The following BLCAP variants were observed in gnomAD, a reference collection of about 807,000 sequenced individuals.
BLCAP encodes the protein BLCAP apoptosis inducing factor.
In BLCAP, 1 loss-of-function variant was observed where a neutral mutation model predicts 5.7. The ratio of observed to expected loss-of-function variants is 0.18; its 90% CI spans 0.06 to 0.83. The LOEUF is 0.83. Ranked by LOEUF, BLCAP falls within the 40% of genes least tolerant of loss-of-function variation. BLCAP has a pLI of 0.71. For synonymous variants in BLCAP, 48 were observed against 49.4 expected (o/e 0.97, Z 0.11); for missense variants, 66 against 107.6 (o/e 0.61, Z 1.71).
intron 1 of BLCAP, chr20:37,522,578 A>AGGTGGGGGGGGGGGGGGG: frequency 1.5e-6 from 1 of 683,764 alleles, no homozygotes; most frequent in Admixed American, 5.4e-5. Flanking sequence ...CGGGCGGGGC[A>AGGTGGGGGGGGGGGGGGG]GGGGGTGGGG....
chr20:37,522,659 C>G, intron 1 of BLCAP: 1 of 1,607,856 alleles, frequency 6.2e-7, no homozygotes, highest in Non-Finnish European at 8.5e-7. Flanking sequence ...CTGGGTTTCT[C>G]GTCGCAGGTG....
rs1180072757 is a variant in BLCAP, at chr20:37,518,525, G to T, written c.*386C>A. The T allele has an allele frequency of 1.1e-5, 2 of 188,708 alleles. No homozygotes were observed. Among genetic ancestry groups the T allele is most frequent in the Admixed American group, 5.5e-5 (1 of 18,034 alleles). 11.7% of individuals were successfully genotyped at this position (188,708 alleles called of 1,614,324 possible). The stretch of plus-strand genomic sequence containing the variant: ...GAGTCAGTAACATTCTGGGAAGGAA[G>T]GAGACCCTGACAAGGAGGGGTCACA... On this transcript the variant is annotated 3_prime_UTR_variant, in exon 2 of 2. Transcript: ENST00000373537.
chr20:37,522,742 C>G (rs781301473), intron 1 of BLCAP: 4 of 1,606,444 alleles, frequency 2.5e-6, no homozygotes, highest in Non-Finnish European at 2.5e-6. Flanking sequence ...GGAGCGCAGG[C>G]AGCGAGCCCC....
intron 1 of BLCAP, among the ~76,000 whole-genome samples, chr20:37,524,201 T>C (rs1217003632): frequency 6.6e-6 from 1 of 152,062 alleles, no homozygotes. Context: ...TGGCGCCTTC[T>C]TCACCCAGCT....
At position 37,518,612 on chromosome 20, in the gene BLCAP, T is replaced by G. The variant is rs2071455875; in HGVS notation, c.*299A>C. 2.8e-6 allele frequency: 1 copy of G among 363,618 alleles called. No individual in the cohort carries two copies. Among genetic ancestry groups the G allele is most frequent in the Non-Finnish European group, 5.1e-6 (1 of 197,208 alleles). 22.5% of individuals were successfully genotyped at this position (363,618 alleles called of 1,614,324 possible). On this transcript the variant is annotated 3_prime_UTR_variant, in exon 2 of 2. Transcript: ENST00000373537. ...GTCACATTGGGGCAGCTGACCAGGA[T>G]GGACCCAGACTCCTCACAGTAATGA...
chr20:37,526,752 G>C (rs1367190032), intron 1 of BLCAP: 2 of 152,250 alleles, frequency 1.3e-5, no homozygotes, highest in Non-Finnish European at 2.9e-5. Flanking sequence ...AAACCGACCA[G>C]GCTTCCCGTG....
At chr20:37,526,650 T>C (rs923008889) in intron 1 of BLCAP, 1 of 152,214 alleles carries the variant, frequency 6.6e-6, no homozygotes, top group African/African-American at 2.4e-5. Context: ...GATTCCTCTT[T>C]GAAACAACAT....
Position 37,518,644 on chromosome 20 carries a change from A to C in BLCAP, c.*267T>G. ...AGACTCCTCACAGTAATGAGGCGAG[A>C]GGGGTGGTCATGCGGCCAGCCAGGA... On this transcript the variant is annotated 3_prime_UTR_variant, in exon 2 of 2. Transcript: ENST00000373537. 1 of 489,206 alleles carries C rather than the reference A, an allele frequency of 2.0e-6. No homozygotes were observed. Among genetic ancestry groups the C allele is most frequent in the Non-Finnish European group, 3.7e-6 (1 of 270,786 alleles). 30.3% of individuals were successfully genotyped at this position (489,206 alleles called of 1,614,324 possible).
intron 1 of BLCAP, chr20:37,523,274 G>A (rs1339958138): frequency 6.5e-6 from 1 of 152,984 alleles, no homozygotes; most frequent in East Asian, 1.9e-4. Context: ...ATACAGTGGG[G>A]CCCTCTCGCT....
Position 37,519,120 on chromosome 20 carries a change from G to T in BLCAP, c.55C>A (p.Pro19Thr). 2 of 1,611,212 alleles carry T rather than the reference G, an allele frequency of 1.2e-6. No individual in the cohort carries two copies. The highest frequency in any genetic ancestry group is 8.5e-7 in the Non-Finnish European group (1 of 1,178,890). Reference protein sequence around the residue: ...PVLLIPKPLNPALWFSHSMFM... With the variant: ...PVLLIPKPLNTALWFSHSMFM... Reference sequence around the variant, plus strand: ...ATGGAGTGGCTGAACCACAGGGCGGGGTTGAGGGGCTTGGGGATGAGGAGG... The same window carrying T: ...ATGGAGTGGCTGAACCACAGGGCGGTGTTGAGGGGCTTGGGGATGAGGAGG... The change falls in exon 2 of 2, where the codon CCC becomes ACC. Residue 19 changes from proline (P) to threonine (T), a missense_variant. Transcript: ENST00000373537.
At chr20:37,526,614 A>G (rs2071726715) in intron 1 of BLCAP, 1 of 152,218 alleles carries the variant, frequency 6.6e-6, no homozygotes, top group African/African-American at 2.4e-5. Context: ...TAGGAGAACA[A>G]CAACAAAAAA....
chr20:37,520,743 A>C (rs2147186518), intron 1 of BLCAP, among the ~76,000 whole-genome samples: 1 of 152,374 alleles, frequency 6.6e-6, no homozygotes, highest in Admixed American at 6.5e-5. Context: ...CATGAAGCAG[A>C]GGACCTGGGC....
At chr20:37,524,797 T>G (rs2071691462) in intron 1 of BLCAP, among the ~76,000 whole-genome samples, 1 of 152,168 alleles carries the variant, frequency 6.6e-6, no homozygotes, top group Non-Finnish European at 1.5e-5. Context: ...TATCAGAGAA[T>G]TATAGGGGTG....
rs2071555117 is a variant in BLCAP, at chr20:37,521,216, C to A, written c.-176-1866G>T. The A allele has an allele frequency of 2.9e-6, 3 of 1,038,756 alleles. No homozygotes were observed. The highest frequency in any genetic ancestry group is 4.5e-6 in the Non-Finnish European group (3 of 668,314). The allele number at this position is 1,038,756 out of a possible 1,614,324, so 64.3% of individuals were successfully genotyped here. A position where few individuals can be genotyped will look rare whatever the true frequency, so the allele number is the denominator to read the frequency against. On this transcript the variant is annotated intron_variant, in intron 1 of 1. Transcript: ENST00000373537. The surrounding 1 kb of genome is among the most constrained non-coding windows in gnomAD (Gnocchi z 4.5). ...CGCGCATGCGCACTTAGGTGGCGGG[C>A]GGGTACTTAAGGCGCGGCCACCGCG...
At chr20:37,527,661 C>CG (rs760983629) in intron 1 of BLCAP, 132 bp downstream of exon 1, 2 of 152,384 alleles carry the variant, frequency 1.3e-5, no homozygotes, top group Non-Finnish European at 2.9e-5. Flanking sequence ...CCTGCCTTCC[C>CG]GGGGTATGCG....
intron 1 of BLCAP, chr20:37,523,054 T>G (rs1202474358): frequency 2.7e-6 from 1 of 365,948 alleles, no homozygotes; most frequent in Non-Finnish European, 4.9e-6. Context: ...CACCGCATTC[T>G]GATCTGGACA....
Position 37,519,030 on chromosome 20 carries a change from C to G in BLCAP, c.145G>C (p.Val49Leu), listed in dbSNP as rs375730280. 1.1e-5 allele frequency: 18 copies of G among 1,614,194 alleles called. No individual in the cohort carries two copies. Among genetic ancestry groups the G allele is most frequent in the Non-Finnish European group, 1.4e-5 (17 of 1,180,036 alleles). The change falls in exon 2 of 2, where the codon GTT (valine) becomes CTT (leucine). Residue 49 changes from valine (V) to leucine (L), a missense_variant. Val to Leu is a conservative substitution (Grantham distance 32). Transcript: ENST00000373537. ...ATAAGGAACAGGGCTGCCAGGAAAA[C>G]CAAGGCACAAATTGTGCAAGGCTTC... ...ERKPCTICAL[V>L]FLAALFLICY...
Position 37,522,908 on chromosome 20 carries a change from AC to A in BLCAP, c.-176-3559del, listed in dbSNP as rs1324395084. On this transcript the variant is annotated intron_variant, in intron 1 of 1. Transcript: ENST00000373537. ...GGCAAGGTCAGTGAGGGGCCAGTAG[AC>A]CCCCGGAGAAGCAGTACCGACAATG... is the stretch of plus-strand genomic sequence containing the variant. 9.7e-6 allele frequency: 6 copies of A among 620,302 alleles called. No individual in the cohort carries two copies. The East Asian group carries it at 1.1e-4, about 12-fold the overall frequency. The allele number at this position is 620,302 out of a possible 1,614,324, so 38.4% of individuals were successfully genotyped here. A position where few individuals can be genotyped will look rare whatever the true frequency, so the allele number is the denominator to read the frequency against.
At chr20:37,526,238 C>T (rs1032764495) in intron 1 of BLCAP, among the ~76,000 whole-genome samples, 1 of 151,892 alleles carries the variant, frequency 6.6e-6, no homozygotes, top group Non-Finnish European at 1.5e-5. Flanking sequence ...GGAGCCAACA[C>T]CCCAAAGGGA....
Sources: allele counts gnomAD v4.1 joint callset (sites outside exome capture counted in the v4.1 genomes callset), GRCh38; gene constraint gnomAD v4.1.1; non-coding constraint Gnocchi (gnomAD v3.1); transcripts MANE v1.5; gene names NCBI Gene and HGNC (gene_info 2026-07-23, HGNC 2026-07-21).